Variants in SLAMF9 observed in about 807,000 individuals in gnomAD.
SLAMF9 encodes the protein SLAM family member 9.
Under a neutral mutation model 30.4 loss-of-function variants are expected in SLAMF9, and 25 were observed. The observed-to-expected ratio is 0.82, with a 90% confidence interval of 0.60 to 1.15. SLAMF9 has a LOEUF of 1.15. SLAMF9 is among the 50% of genes most tolerant of loss of function. The probability of loss-of-function intolerance (pLI) is 0.00; values close to 1 mark genes in which losing one functional copy is unlikely to be tolerated. For missense variants in SLAMF9, 344 were observed against 346.1 expected, an observed-to-expected ratio of 0.99 and a Z score of 0.05; for synonymous variants, 129 against 127.2, an observed-to-expected ratio of 1.01 and a Z score of -0.09.
chr1:159,952,241 G>A, intron 3 of SLAMF9, 21 bp downstream of exon 3: 2 of 1,612,862 alleles, frequency 1.2e-6, no homozygotes, highest in Non-Finnish European at 1.7e-6. Flanking sequence ...AGCTCAGGGG[G>A]TGTCTCAGGG....
chr1:159,954,447 C>G (rs952794215), upstream of SLAMF9, among the ~76,000 whole-genome samples: 1 of 152,198 alleles, frequency 6.6e-6, no homozygotes, highest in Non-Finnish European at 1.5e-5. Context: ...AGACTTCCTA[C>G]CCGCCCCAGG....
At chr1:159,961,922 G>A in the SLAMF9 span, among the ~76,000 whole-genome samples, 6 of 152,108 alleles carry the variant, frequency 3.9e-5, no homozygotes, top group Non-Finnish European at 5.9e-5. Context: ...ACTTTGGGAG[G>A]CGGAGGCGGG....
chr1:159,980,858 C>T, the SLAMF9 span, among the ~76,000 whole-genome samples: 2 of 152,226 alleles, frequency 1.3e-5, no homozygotes, highest in Admixed American at 1.3e-4. Context: ...TGTTCACTCT[C>T]TAATGCTTTC....
At chr1:159,954,556 A>G (rs1651883509), upstream of SLAMF9, among the ~76,000 whole-genome samples, 2 of 152,096 alleles carry the variant, frequency 1.3e-5, no homozygotes, top group African/African-American at 4.8e-5. Context: ...GGTAATTCCT[A>G]TGTTGCTGTG....
the SLAMF9 span, among the ~76,000 whole-genome samples, chr1:159,975,421 G>A: frequency 6.6e-6 from 1 of 152,138 alleles, no homozygotes; most frequent in African/African-American, 2.4e-5. Context: ...GTAGCCACAT[G>A]AGCAAGGACA....
the SLAMF9 span, chr1:159,983,269 A>G: frequency 6.6e-6 from 1 of 152,174 alleles, no homozygotes; most frequent in Non-Finnish European, 1.5e-5. Context: ...TCAGTTCACC[A>G]GATGAAAGAG....
the SLAMF9 span, among the ~76,000 whole-genome samples, chr1:159,960,461 C>CTTTT: frequency 6.1e-5 from 8 of 130,772 alleles, no homozygotes; most frequent in Non-Finnish European, 1.1e-4. Flanking sequence ...CTCTGATGAT[C>CTTTT]TTTTTTTTTT....
the SLAMF9 span, among the ~76,000 whole-genome samples, chr1:159,962,428 T>C: frequency 6.6e-6 from 1 of 152,054 alleles, no homozygotes; most frequent in Non-Finnish European, 1.5e-5. Flanking sequence ...GGCGGAGATT[T>C]GAACATATTT....
At chr1:159,968,024 T>C in the SLAMF9 span, among the ~76,000 whole-genome samples, 1 of 152,336 alleles carries the variant, frequency 6.6e-6, no homozygotes, top group Admixed American at 6.5e-5. Context: ...TTTATATATA[T>C]AAGATCATTT....
intron 2 of SLAMF9, 148 bp downstream of exon 2, chr1:159,953,161 C>T (rs753395669): frequency 8.9e-6 from 6 of 675,246 alleles, no homozygotes; most frequent in Non-Finnish European, 1.5e-5. Flanking sequence ...ATTGGGCACA[C>T]TCAATCACAG....
upstream of SLAMF9, among the ~76,000 whole-genome samples, chr1:159,955,390 T>A (rs960227298): frequency 1.3e-5 from 2 of 152,342 alleles, no homozygotes; most frequent in Non-Finnish European, 2.9e-5. Flanking sequence ...ATTCTCAGAC[T>A]GGATAATCTT....
chr1:159,981,734 C>T, the SLAMF9 span, among the ~76,000 whole-genome samples: 3 of 152,380 alleles, frequency 2.0e-5, no homozygotes, highest in African/African-American at 7.2e-5. Context: ...TGGGTGTTCA[C>T]ACTGCCCCAT....
Position 159,952,947 on chromosome 1 carries a change from A to G in SLAMF9, c.391+362T>C, listed in dbSNP as rs566523425. 3.3e-5 allele frequency among the ~76,000 whole-genome samples: 5 copies of G among 152,350 alleles called. No individual in the cohort carries two copies. The South Asian group carries it at 1.0e-3, about 32-fold the overall frequency. On this transcript the variant is annotated intron_variant, in intron 2 of 3. Coordinates refer to ENST00000368093, the MANE Select transcript of SLAMF9 (RefSeq NM_033438.4). ...AAATTTGGGTTCAAGTAAAGAGAAG[A>G]TACTCATTAGTAGCCCTCATCACAC...
At chr1:159,978,419 C>G in the SLAMF9 span, among the ~76,000 whole-genome samples, 1 of 152,132 alleles carries the variant, frequency 6.6e-6, no homozygotes, top group South Asian at 2.1e-4. Flanking sequence ...TCTCCAGAAC[C>G]TGGCTCTACC....
upstream of SLAMF9, among the ~76,000 whole-genome samples, chr1:159,956,573 T>C (rs1366071766): frequency 6.6e-6 from 1 of 151,932 alleles, no homozygotes; most frequent in African/African-American, 2.4e-5. Flanking sequence ...GCCCACTGAG[T>C]GCAAAGCCAC....
the SLAMF9 span, among the ~76,000 whole-genome samples, chr1:159,964,698 G>A: frequency 1.3e-5 from 2 of 152,164 alleles, no homozygotes; most frequent in Non-Finnish European, 2.9e-5. Context: ...GCCAAAACTC[G>A]GGTCTCCCGG....
At chr1:159,976,098 T>A in the SLAMF9 span, among the ~76,000 whole-genome samples, 1 of 151,258 alleles carries the variant, frequency 6.6e-6, no homozygotes, top group Admixed American at 6.6e-5. Flanking sequence ...TGTGTGTGTG[T>A]GTGTGTGTGT....
the SLAMF9 span, among the ~76,000 whole-genome samples, chr1:159,959,833 C>T: frequency 6.6e-6 from 1 of 151,978 alleles, no homozygotes; most frequent in African/African-American, 2.4e-5. Context: ...TCCTTGACTC[C>T]CATTGTACGT....
chr1:159,980,547 A>AT, the SLAMF9 span: 187 of 144,798 alleles, frequency 1.3e-3, no homozygotes, highest in South Asian at 9.6e-3. Flanking sequence ...TGTTCACTCT[A>AT]TTTTTTTTTT....
Sources: allele counts gnomAD v4.1 joint callset (sites outside exome capture counted in the v4.1 genomes callset), GRCh38; gene constraint gnomAD v4.1.1; transcripts MANE v1.5; gene names NCBI Gene and HGNC (gene_info 2026-07-23, HGNC 2026-07-21).